Variants in CAST observed in about 807,000 individuals in gnomAD.
The protein encoded by CAST is calpastatin.
In CAST, 76 loss-of-function variants were observed where a neutral mutation model predicts 119.6. The ratio of observed to expected loss-of-function variants is 0.64; its 90% CI spans 0.53 to 0.77. CAST has a LOEUF of 0.77. Among genes scored for constraint, CAST ranks in the 30% least tolerant of loss-of-function variants. The pLI is 0.00. For missense variants in CAST, 953 were observed against 946.5 expected, an observed-to-expected ratio of 1.01 and a Z score of -0.09; for synonymous variants, 319 against 331.6, an observed-to-expected ratio of 0.96 and a Z score of 0.41.
the CAST span, among the ~76,000 whole-genome samples, chr5:96,174,038 G>C: frequency 3.9e-5 from 6 of 152,092 alleles, no homozygotes; most frequent in African/African-American, 1.4e-4. Flanking sequence ...CACCGCGCCC[G>C]GCCTGAACTT....
the CAST span, among the ~76,000 whole-genome samples, chr5:96,226,298 A>G: frequency 6.6e-6 from 1 of 152,254 alleles, no homozygotes; most frequent in South Asian, 2.1e-4. Context: ...GTACCAATGA[A>G]CAGTAGGAAC....
chr5:96,291,845 T>TGC, the CAST span, among the ~76,000 whole-genome samples: 5 of 120,368 alleles, frequency 4.2e-5, no homozygotes, highest in Non-Finnish European at 8.1e-5. Context: ...CCAGTCTGCG[T>TGC]GTGTGTGTGT....
intron 1 of CAST, among the ~76,000 whole-genome samples, chr5:96,670,652 C>A (rs2150235793): frequency 6.6e-6 from 1 of 152,316 alleles, no homozygotes; most frequent in Non-Finnish European, 1.5e-5. Flanking sequence ...TGTGCACCAC[C>A]ATGCCCAGCT....
At chr5:96,041,523 A>C in the CAST span, among the ~76,000 whole-genome samples, 1 of 152,146 alleles carries the variant, frequency 6.6e-6, no homozygotes, top group Non-Finnish European at 1.5e-5. Context: ...AATATTAGAC[A>C]AAAAACTACA....
intron 2 of CAST, among the ~76,000 whole-genome samples, chr5:96,685,441 A>G (rs1294752752): frequency 2.6e-5 from 4 of 152,238 alleles, no homozygotes; most frequent in Non-Finnish European, 4.4e-5. Context: ...GTCTTATCTA[A>G]GGACTGAATA....
At chr5:96,685,688 G>A (rs1221603221) in intron 2 of CAST, among the ~76,000 whole-genome samples, 1 of 152,196 alleles carries the variant, frequency 6.6e-6, no homozygotes, top group Non-Finnish European at 1.5e-5. Context: ...TATGGCATGA[G>A]ATAATGCAGT....
At chr5:96,266,500 C>T in the CAST span, among the ~76,000 whole-genome samples, 1 of 152,210 alleles carries the variant, frequency 6.6e-6, no homozygotes, top group Non-Finnish European at 1.5e-5. Context: ...GACACCAAAT[C>T]AGAGTGACTG....
chr5:96,618,773 T>C (rs528642513), intron 1 of CAST, among the ~76,000 whole-genome samples: 1 of 152,236 alleles, frequency 6.6e-6, no homozygotes, highest in African/African-American at 2.4e-5. Flanking sequence ...GGACCTGCAG[T>C]CCACCATGCC....
chr5:96,241,186 A>G, the CAST span, among the ~76,000 whole-genome samples: 1 of 148,200 alleles, frequency 6.7e-6, no homozygotes, highest in East Asian at 2.1e-4. Context: ...AGCATTAGGT[A>G]TATCTCCCAA....
the CAST span, among the ~76,000 whole-genome samples, chr5:96,412,750 A>ATGTTTTTT: frequency 4.7e-5 from 3 of 63,386 alleles, no homozygotes; most frequent in African/African-American, 2.4e-4. Flanking sequence ...GGCAGCTGTG[A>ATGTTTTTT]TGTTTTTTTT....
At chr5:96,325,296 C>T in the CAST span, among the ~76,000 whole-genome samples, 1 of 152,222 alleles carries the variant, frequency 6.6e-6, no homozygotes, top group East Asian at 1.9e-4. Context: ...AATTCCTATG[C>T]ATGCTTATTT....
the CAST span, among the ~76,000 whole-genome samples, chr5:96,205,937 T>C: frequency 6.6e-6 from 1 of 151,902 alleles, no homozygotes; most frequent in Non-Finnish European, 1.5e-5. Flanking sequence ...TTTACAACAG[T>C]GTGTAAGTGC....
the CAST span, among the ~76,000 whole-genome samples, chr5:96,097,951 T>A: frequency 1.3e-5 from 2 of 152,212 alleles, no homozygotes; most frequent in Non-Finnish European, 2.9e-5. Flanking sequence ...CCACCAACAG[T>A]GAGTAAGTAT....
the CAST span, among the ~76,000 whole-genome samples, chr5:96,412,108 C>T: frequency 2.6e-5 from 4 of 152,200 alleles, no homozygotes; most frequent in South Asian, 4.1e-4. Context: ...TTGGCCATCG[C>T]GCCTGGCCAC....
chr5:96,534,370 G>A (rs1025541590), intron 1 of CAST, among the ~76,000 whole-genome samples: 1 of 151,860 alleles, frequency 6.6e-6, no homozygotes, highest in East Asian at 1.9e-4. Flanking sequence ...TTAAGAAACC[G>A]TTACTTGTCC....
chr5:96,272,752 G>A, the CAST span, among the ~76,000 whole-genome samples: 1 of 152,026 alleles, frequency 6.6e-6, no homozygotes, highest in Non-Finnish European at 1.5e-5. Flanking sequence ...ATAACTCAAA[G>A]GTTTCTGGCA....
chr5:96,055,221 A>T, the CAST span, among the ~76,000 whole-genome samples: 1 of 149,456 alleles, frequency 6.7e-6, no homozygotes, highest in African/African-American at 2.5e-5. Context: ...CCCCTTCTTT[A>T]CTCTCACCGC....
At chr5:96,558,357 G>A (rs1434512975) in intron 1 of CAST, among the ~76,000 whole-genome samples, 4 of 150,448 alleles carry the variant, frequency 2.7e-5, no homozygotes, top group Middle Eastern at 3.2e-3. Flanking sequence ...ACTAAGATCA[G>A]AGCAGAACTG....
chr5:96,686,844 A>G (rs1400437182), intron 2 of CAST, among the ~76,000 whole-genome samples: 5 of 152,216 alleles, frequency 3.3e-5, no homozygotes, highest in African/African-American at 7.2e-5. Flanking sequence ...GACCATTGCT[A>G]TAGGTGTAGG....
Sources: gnomAD v4.1 joint callset for allele counts (sites outside exome capture counted in the v4.1 genomes callset) on GRCh38, gnomAD v4.1.1 for gene constraint, MANE v1.5 for transcripts, NCBI Gene and HGNC (gene_info 2026-07-23, HGNC 2026-07-21) for gene names.